The following AGO3 variants were observed in gnomAD, a reference collection of about 807,000 sequenced individuals.
AGO3 encodes argonaute RISC catalytic component 3, also known as protein argonaute-3.
Under a neutral mutation model 105.5 loss-of-function variants are expected in AGO3, and 16 were observed. The ratio of observed to expected loss-of-function variants is 0.15; its 90% CI spans 0.10 to 0.23. AGO3 has a LOEUF of 0.23. Ranked by LOEUF, AGO3 falls within the 10% of genes least tolerant of loss-of-function variation. AGO3 has a pLI of 1.00. For synonymous variants in AGO3, 340 were observed against 367.3 expected (o/e 0.93, Z 0.85); for missense variants, 534 against 1,088.0 (o/e 0.49, Z 7.16).
intron 5 of AGO3, among the ~76,000 whole-genome samples, chr1:35,978,567 A>T (rs1329159064): frequency 2.0e-5 from 3 of 152,106 alleles, no homozygotes; most frequent in Non-Finnish European, 2.9e-5. Flanking sequence ...ATCATTTGAA[A>T]ATATATCTGC....
chr1:36,020,771 A>G (rs1292788159), intron 11 of AGO3, among the ~76,000 whole-genome samples: 1 of 151,952 alleles, frequency 6.6e-6, no homozygotes, highest in Non-Finnish European at 1.5e-5. Context: ...GCATGCCACC[A>G]TGCCTTGCTA....
chr1:36,004,154 A>G (rs1191337611), intron 5 of AGO3, 187 bp from the exon 6 acceptor site: 18 of 476,104 alleles, frequency 3.8e-5, no homozygotes, highest in Non-Finnish European at 6.3e-5. Flanking sequence ...AAACTGTAGT[A>G]TTTGGCCATT....
rs896489873 is a variant in AGO3, at chr1:36,039,924, G to T, written c.1977G>T (p.Arg659=). Residue 659 remains arginine, a synonymous_variant, in exon 15 of 19, where the codon CGG becomes CGT. Coordinates refer to ENST00000373191, the MANE Select transcript of AGO3 (RefSeq NM_024852.4). The part of the protein sequence containing the change: ...ELLIQFYKST[R]FKPTRIIFYR... ...TTATTCAATTTTATAAGTCAACTCG[G>T]TTCAAGCCTACTCGTATCATCTTTT... 2.5e-6 allele frequency: 4 copies of T among 1,614,038 alleles called. No individual in the cohort carries two copies. The highest frequency in any genetic ancestry group is 3.4e-6 in the Non-Finnish European group (4 of 1,180,012).
chr1:36,044,867 C>T (rs1252376005), intron 17 of AGO3, among the ~76,000 whole-genome samples: 1 of 152,162 alleles, frequency 6.6e-6, no homozygotes, highest in Non-Finnish European at 1.5e-5. Flanking sequence ...TTTCCAACAA[C>T]AAAAAGTAAA....
At chr1:36,010,219 G>A (rs1281846194) in intron 9 of AGO3, among the ~76,000 whole-genome samples, 3 of 152,032 alleles carry the variant, frequency 2.0e-5, no homozygotes, top group East Asian at 3.9e-4. Flanking sequence ...GATTACAGGC[G>A]TGAGCCACCG....
At chr1:36,036,359 A>G (rs1642008131) in intron 14 of AGO3, 92 bp downstream of exon 14, 11 of 1,220,304 alleles carry the variant, frequency 9.0e-6, no homozygotes, top group Non-Finnish European at 1.3e-5. Context: ...TTTTCTTTGT[A>G]GCCAACTTTC....
chr1:35,997,862 A>G (rs1041255260), intron 5 of AGO3, among the ~76,000 whole-genome samples: 2 of 152,016 alleles, frequency 1.3e-5, no homozygotes, highest in Admixed American at 1.3e-4. Flanking sequence ...ACGCCCAGCT[A>G]ATTTTTGTGT....
chr1:35,949,288 C>G (rs958203951), intron 2 of AGO3, among the ~76,000 whole-genome samples: 1 of 152,206 alleles, frequency 6.6e-6, no homozygotes, highest in Non-Finnish European at 1.5e-5. Context: ...TTCTAAAAAT[C>G]ATATAAATCA....
chr1:35,968,051 T>G (rs1258554733), intron 3 of AGO3, among the ~76,000 whole-genome samples: 2 of 152,216 alleles, frequency 1.3e-5, no homozygotes, highest in East Asian at 3.9e-4. Flanking sequence ...ACATTCTGGT[T>G]ATGCATTATT....
At chr1:35,957,017 T>C (rs1646579420) in intron 2 of AGO3, among the ~76,000 whole-genome samples, 1 of 152,038 alleles carries the variant, frequency 6.6e-6, no homozygotes, top group Non-Finnish European at 1.5e-5. Context: ...GCCAGGCGTA[T>C]AGAGACTGAA....
At chr1:35,995,205 A>ATATATATATATATAT (rs1553164834) in intron 5 of AGO3, among the ~76,000 whole-genome samples, 3 of 112,668 alleles carry the variant, frequency 2.7e-5, no homozygotes, top group African/African-American at 1.3e-4. Flanking sequence ...TGTCTAAAAA[A>ATATATATATATATAT]AAAAATATAT....
At chr1:35,943,751 A>G (rs1646303545) in intron 1 of AGO3, among the ~76,000 whole-genome samples, 2 of 151,148 alleles carry the variant, frequency 1.3e-5, no homozygotes, top group South Asian at 4.2e-4. Flanking sequence ...CTACAGGTGC[A>G]CACCTGGCTA....
At chr1:35,998,869 C>G (rs1639959316) in intron 5 of AGO3, among the ~76,000 whole-genome samples, 1 of 151,936 alleles carries the variant, frequency 6.6e-6, no homozygotes, top group Non-Finnish European at 1.5e-5. Flanking sequence ...CCTTTAAGAC[C>G]ATAAAGATAT....
intron 5 of AGO3, chr1:35,982,647 G>T (rs1376454668): frequency 1.4e-6 from 1 of 717,648 alleles, no homozygotes; most frequent in Admixed American, 2.0e-5. Flanking sequence ...GCAGTGTGGA[G>T]AATAGATAGA....
At chr1:35,988,770 T>C (rs1262734242) in intron 5 of AGO3, among the ~76,000 whole-genome samples, 1 of 152,138 alleles carries the variant, frequency 6.6e-6, no homozygotes, top group Non-Finnish European at 1.5e-5. Flanking sequence ...GAGATAGTGA[T>C]TTTATTTACT....
At chr1:35,998,076 A>G (rs950766892) in intron 5 of AGO3, among the ~76,000 whole-genome samples, 3 of 152,214 alleles carry the variant, frequency 2.0e-5, no homozygotes, top group African/African-American at 4.8e-5. Context: ...ATTCAGAGAT[A>G]TACTATGTTT....
chr1:35,933,904 TAA>T (rs1442142610), intron 1 of AGO3, among the ~76,000 whole-genome samples: 2 of 152,110 alleles, frequency 1.3e-5, no homozygotes, highest in African/African-American at 4.8e-5. Context: ...AAATACCATA[TAA>T]GTTAGTATTT....
intron 1 of AGO3, 58 bp from the exon 2 acceptor site, chr1:35,945,634 A>C (rs182509448): frequency 1.3e-6 from 2 of 1,550,388 alleles, no homozygotes; most frequent in African/African-American, 2.7e-5. Context: ...TCTGGTTGAC[A>C]AGGCTTTGGA....
At chr1:35,955,755 C>T (rs1283173397) in intron 2 of AGO3, among the ~76,000 whole-genome samples, 1 of 151,976 alleles carries the variant, frequency 6.6e-6, no homozygotes, top group Non-Finnish European at 1.5e-5. Flanking sequence ...CCACCATGCC[C>T]GGCTAATTTT....
Sources: allele counts gnomAD v4.1 joint callset (sites outside exome capture counted in the v4.1 genomes callset), GRCh38; gene constraint gnomAD v4.1.1; transcripts MANE v1.5; gene names NCBI Gene and HGNC (gene_info 2026-07-23, HGNC 2026-07-21).